PDE1A: variants seen among roughly 807,000 people sequenced by gnomAD.
PDE1A encodes the protein phosphodiesterase 1A.
Under a neutral mutation model 61.7 loss-of-function variants are expected in PDE1A, and 35 were observed. The ratio of observed to expected loss-of-function variants is 0.57; its 90% CI spans 0.43 to 0.75. PDE1A has a LOEUF of 0.75. Ranked by LOEUF, PDE1A falls within the 30% of genes least tolerant of loss-of-function variation. The probability of loss-of-function intolerance (pLI) is 0.00; values close to 1 mark genes in which losing one functional copy is unlikely to be tolerated. For missense variants in PDE1A, 597 were observed against 630.6 expected, an observed-to-expected ratio of 0.95 and a Z score of 0.57; for synonymous variants, 232 against 213.2, an observed-to-expected ratio of 1.09 and a Z score of -0.77.
intron 1 of PDE1A, among the ~76,000 whole-genome samples, chr2:182,337,848 CCT>C (rs1697939630): frequency 6.6e-6 from 1 of 152,070 alleles, no homozygotes; most frequent in Non-Finnish European, 1.5e-5. Flanking sequence ...GTGTGATACC[CCT>C]CTGTTATTAG....
the PDE1A span, among the ~76,000 whole-genome samples, chr2:182,596,599 CAAAT>C: frequency 1.3e-5 from 2 of 152,036 alleles, no homozygotes; most frequent in Admixed American, 1.3e-4. Context: ...CATTGAAAAA[CAAAT>C]AAGGCTATCA....
At chr2:182,688,934 C>T in the PDE1A span, among the ~76,000 whole-genome samples, 1 of 152,040 alleles carries the variant, frequency 6.6e-6, no homozygotes, top group African/African-American at 2.4e-5. Context: ...ACAAAGAAGG[C>T]CATTACATAA....
chr2:182,145,829 G>A (rs1690465607), downstream of PDE1A, among the ~76,000 whole-genome samples: 4 of 152,302 alleles, frequency 2.6e-5, no homozygotes, highest in South Asian at 8.3e-4. Flanking sequence ...CTATTCTTAT[G>A]AATAAAAGAC....
At chr2:182,598,427 C>T in the PDE1A span, among the ~76,000 whole-genome samples, 2 of 152,060 alleles carry the variant, frequency 1.3e-5, no homozygotes, top group Non-Finnish European at 2.9e-5. Flanking sequence ...CAAAAATTAG[C>T]TAGGCATGGT....
the PDE1A span, among the ~76,000 whole-genome samples, chr2:182,651,672 AC>A: frequency 3.3e-5 from 5 of 152,270 alleles, no homozygotes; most frequent in African/African-American, 1.2e-4. Flanking sequence ...CAAAAGGGAA[AC>A]AATATTTGTT....
intron 1 of PDE1A, among the ~76,000 whole-genome samples, chr2:182,381,767 A>G (rs6747822): frequency 0.033 from 5,053 of 152,062 alleles, 145 homozygotes; most frequent in African/African-American, 0.076. Context: ...AGCCGAGATG[A>G]CACCTCTGCA....
chr2:182,553,653 G>A, the PDE1A span, among the ~76,000 whole-genome samples: 6 of 152,210 alleles, frequency 3.9e-5, no homozygotes. Flanking sequence ...AAATGCACTG[G>A]AGGAATTGTG....
the PDE1A span, among the ~76,000 whole-genome samples, chr2:182,528,775 G>A: frequency 6.6e-6 from 1 of 152,216 alleles, no homozygotes; most frequent in African/African-American, 2.4e-5. Flanking sequence ...GTCCAGCCAT[G>A]GCTAAAAGGG....
At chr2:182,278,146 C>T (rs1368908979) in intron 1 of PDE1A, among the ~76,000 whole-genome samples, 1 of 151,976 alleles carries the variant, frequency 6.6e-6, no homozygotes, top group African/African-American at 2.4e-5. Context: ...ATTCTCTACC[C>T]TTTCCTGTGT....
chr2:182,527,373 T>A (rs35128612), upstream of PDE1A, among the ~76,000 whole-genome samples: 5 of 65,008 alleles, frequency 7.7e-5, no homozygotes, highest in Middle Eastern at 0.01. Context: ...TATATATATA[T>A]ACACATATAT....
At chr2:182,466,124 T>C (rs573420073) in intron 2 of PDE1A, among the ~76,000 whole-genome samples, 1 of 152,046 alleles carries the variant, frequency 6.6e-6, no homozygotes, top group African/African-American at 2.4e-5. Context: ...ATAATGTCTT[T>C]AAATGCATAC....
chr2:182,627,619 T>A, the PDE1A span, among the ~76,000 whole-genome samples: 1 of 151,254 alleles, frequency 6.6e-6, no homozygotes, highest in African/African-American at 2.4e-5. Flanking sequence ...TAAAAAAAAA[T>A]TTCCAGACAT....
chr2:182,265,248 A>G (rs1160426384), intron 1 of PDE1A, among the ~76,000 whole-genome samples: 3 of 151,894 alleles, frequency 2.0e-5, no homozygotes, highest in Non-Finnish European at 4.4e-5. Flanking sequence ...ACCCCCCAAA[A>G]AAACTACTAA....
chr2:182,657,853 G>A, the PDE1A span, among the ~76,000 whole-genome samples: 1 of 151,982 alleles, frequency 6.6e-6, no homozygotes, highest in Non-Finnish European at 1.5e-5. Context: ...CAGCAATAAT[G>A]TGTTATAATG....
At chr2:182,181,578 G>T (rs1265401788) in intron 13 of PDE1A, among the ~76,000 whole-genome samples, 1 of 152,186 alleles carries the variant, frequency 6.6e-6, no homozygotes, top group East Asian at 1.9e-4. Flanking sequence ...AGCAGAACTG[G>T]TGCACTCTGC....
chr2:182,304,994 C>A (rs1398912252), intron 1 of PDE1A, among the ~76,000 whole-genome samples: 1 of 152,000 alleles, frequency 6.6e-6, no homozygotes, highest in Non-Finnish European at 1.5e-5. Context: ...CTCCATTGTC[C>A]CTCAGATGAA....
At chr2:182,558,216 C>A in the PDE1A span, among the ~76,000 whole-genome samples, 24 of 151,174 alleles carry the variant, frequency 1.6e-4, no homozygotes, top group South Asian at 1.7e-3. Flanking sequence ...AGAAACATTA[C>A]AACAGTTTGA....
the PDE1A span, among the ~76,000 whole-genome samples, chr2:182,646,463 G>A: frequency 1.3e-5 from 2 of 151,248 alleles, no homozygotes; most frequent in African/African-American, 2.4e-5. Flanking sequence ...GCCACGGCGG[G>A]CAGATCACAA....
At chr2:182,166,502 G>T (rs563822348), downstream of PDE1A, among the ~76,000 whole-genome samples, 1 of 152,254 alleles carries the variant, frequency 6.6e-6, no homozygotes, top group East Asian at 1.9e-4. Flanking sequence ...CGGGAAGGGG[G>T]TGGTCTAAGG....
Sources: gnomAD v4.1 joint callset for allele counts (sites outside exome capture counted in the v4.1 genomes callset) on GRCh38, gnomAD v4.1.1 for gene constraint, MANE v1.5 for transcripts, NCBI Gene and HGNC (gene_info 2026-07-23, HGNC 2026-07-21) for gene names.